Variants in LTK observed in about 807,000 individuals in gnomAD.
LTK encodes the protein leukocyte tyrosine kinase receptor.
LTK carries 117 observed loss-of-function variants against 101.5 expected under a neutral mutation model. That is an observed-to-expected ratio of 1.15 (90% CI 0.99 to 1.34). LTK has a LOEUF of 1.34. Ranked by LOEUF, LTK falls within the 40% of genes most tolerant of loss-of-function variation. The pLI is 0.00. For synonymous variants in LTK, 563 were observed against 494.2 expected, an observed-to-expected ratio of 1.14 and a Z score of -1.85; for missense variants, 1,252 against 1,164.7, an observed-to-expected ratio of 1.07 and a Z score of -1.09.
In LTK at chr15:41,504,543, C is replaced by T; in HGVS notation, c.2218G>A (p.Gly740Ser). The T allele has an allele frequency of 1.9e-6, 3 of 1,613,878 alleles. No individual in the cohort carries two copies. The highest frequency in any genetic ancestry group is 2.5e-6 in the Non-Finnish European group (3 of 1,179,980). Residue 740 changes from glycine to serine, a missense_variant, in exon 18 of 20, where the codon GGC becomes AGC. Gly to Ser is a moderately conservative substitution (Grantham distance 56). Coordinates refer to ENST00000263800, the MANE Select transcript of LTK (RefSeq NM_002344.6). Reference protein sequence around the residue: ...QEVLDFVVGGGRMDPPRGCPG... With the variant: ...QEVLDFVVGGSRMDPPRGCPG... ...CAGCCCCTAGGAGGGTCCATCCGGCCTCCTCCAACGACGAAGTCCAGCACC... is the reference window on the plus strand; with the variant it reads ...CAGCCCCTAGGAGGGTCCATCCGGCTTCCTCCAACGACGAAGTCCAGCACC...
At chr15:41,510,496 TTG>T (rs1416255212) in intron 7 of LTK, among the ~76,000 whole-genome samples, 1 of 57,286 alleles carries the variant, frequency 1.7e-5, no homozygotes, top group East Asian at 4.1e-4. Context: ...AATTTCCCTC[TTG>T]TCGCCCAGGC....
chr15:41,504,965 C>A lies in LTK; in HGVS notation c.2018+7G>T. On this transcript the variant is annotated splice_region_variant and intron_variant, in intron 16 of 19. Transcript: ENST00000263800. Reference sequence around the variant, plus strand: ...GCAAGAGCCTTCCCACCTCCCAAGTCCCGCACCGGTAGATATCTCGTGCCA... The same window carrying A: ...GCAAGAGCCTTCCCACCTCCCAAGTACCGCACCGGTAGATATCTCGTGCCA... 6.2e-7 allele frequency: 1 copy of A among 1,607,136 alleles called. No homozygotes were observed. Among genetic ancestry groups the A allele is most frequent in the Non-Finnish European group, 8.5e-7 (1 of 1,176,096 alleles).
rs754950618 is a variant in LTK, at chr15:41,504,338, A to G, written c.2346+4T>C. ...CAGGATGTTAGATTAGGTCGGGGGC[A>G]CACCTGAGTGCAGTACTGCAGACGC... On this transcript the variant is annotated splice_donor_region_variant and intron_variant, in intron 19 of 19. Transcript: ENST00000263800. 3 of 1,613,894 alleles carry G rather than the reference A, an allele frequency of 1.9e-6. No individual in the cohort carries two copies. Among genetic ancestry groups the G allele is most frequent in the African/African-American group, 2.7e-5 (2 of 74,934 alleles).
chr15:41,505,589 G>A (rs1428069003), intron 13 of LTK, 59 bp from the exon 14 acceptor site: 4 of 1,608,934 alleles, frequency 2.5e-6, no homozygotes, highest in African/African-American at 2.7e-5. Flanking sequence ...CATGTTTTAG[G>A]CTCCACAAAG....
Position 41,507,105 on chromosome 15 carries a change from T to C in LTK, c.1531A>G (p.Thr511Ala), listed in dbSNP as rs1288029519. The change falls in exon 11 of 20, where the codon ACT becomes GCT. Residue 511 changes from threonine to alanine, a missense_variant. Transcript: ENST00000263800. ...AGGCAGAAGACTTACCTGAGCAGAG[T>C]AACATTGGCTGGGGAAACCTCGGTG... ...GVTEVSPANV[T>A]LLRALGHGAF... 1 of 1,612,750 alleles carries C rather than the reference T, an allele frequency of 6.2e-7. No homozygotes were observed. The highest frequency in any genetic ancestry group is 8.5e-7 in the Non-Finnish European group (1 of 1,179,690).
chr15:41,504,097 C>T lies in LTK; in HGVS notation c.2494G>A (p.Gly832Arg). 1 of 1,614,106 alleles carries T rather than the reference C, an allele frequency of 6.2e-7. No homozygotes were observed. The change falls in exon 20 of 20, where the codon GGA becomes AGA. Residue 832 changes from glycine to arginine, a missense_variant. Physicochemically the swap from Gly to Arg is moderately radical, Grantham distance 125. Transcript: ENST00000263800. ...AGCCAGGGGCCAAGAGGGCTACCTC[C>T]CCAGCTTTTCAACTTCTCTGGACTC... ...ELSPEKLKSW[G>R]GSPLGPWLSS...
At chr15:41,505,579 C>G in intron 13 of LTK, 49 bp from the exon 14 acceptor site, 3 of 1,611,606 alleles carry the variant, frequency 1.9e-6, no homozygotes, top group Non-Finnish European at 2.5e-6. Context: ...AGACGGAAAC[C>G]ATGTTTTAGG....
At chr15:41,508,255 G>C in intron 8 of LTK, 34 bp from the exon 9 acceptor site, 6 of 1,585,270 alleles carry the variant, frequency 3.8e-6, no homozygotes, top group Non-Finnish European at 4.3e-6. Context: ...ATATGGTGTG[G>C]TAGGGCTGGG....
chr15:41,510,779 C>T (rs978783749), intron 7 of LTK, among the ~76,000 whole-genome samples: 3 of 152,146 alleles, frequency 2.0e-5, no homozygotes, highest in African/African-American at 7.2e-5. Flanking sequence ...GCATTTCGAA[C>T]AACTTAGGTT....
At position 41,507,231 on chromosome 15, in the gene LTK, G is replaced by A. The variant is rs1167115460; in HGVS notation, c.1405C>T (p.Leu469=). The part of the protein sequence containing the change: ...EMRLPSPELE[L]SKLRTSAIRT... ...ATGGCAGAGGTTCGAAGCTTGCTCA[G>A]CTCAAGCTCAGGGCTCGGCAGCCTC... The change falls in exon 11 of 20, where the codon CTG becomes TTG. Residue 469 remains leucine, a synonymous_variant. Transcript: ENST00000263800. 2 of 1,612,208 alleles carry A rather than the reference G, an allele frequency of 1.2e-6. No individual in the cohort carries two copies. Among genetic ancestry groups the A allele is most frequent in the South Asian group, 1.1e-5 (1 of 90,962 alleles).
rs900372652 is a variant in LTK, at chr15:41,507,736, C to T, written c.1250-79G>A. 2.4e-5 allele frequency: 34 copies of T among 1,440,038 alleles called. No homozygotes were observed. In the African/African-American group the frequency reaches 4.6e-4, roughly 19 times the overall value. The allele number at this position is 1,440,038 out of a possible 1,614,324, so 89.2% of individuals were successfully genotyped here. ...CTCAAGTTTTACCCACGCTTCAAGA[C>T]TCAGCTCAAGTGTTAATTTTTCCAT... On this transcript the variant is annotated intron_variant, in intron 9 of 19. Transcript: ENST00000263800.
In LTK at chr15:41,505,765, G is replaced by A. The variant is rs751839421; in HGVS notation, c.1645C>T (p.Leu549Phe). 4.3e-6 allele frequency: 7 copies of A among 1,613,856 alleles called. No homozygotes were observed. In the Admixed American group the frequency reaches 1.0e-4, roughly 23 times the overall value. Residue 549 changes from leucine to phenylalanine, a missense_variant, in exon 13 of 20, where the codon CTC becomes TTC. Leu to Phe is a conservative substitution (Grantham distance 22). Coordinates refer to ENST00000263800, the MANE Select transcript of LTK (RefSeq NM_002344.6). ...TCCAGCTCATCCTGAGGCGAGCAGA[G>A]TTCTGGCAGGGTCTGGGGAGGAAAA... The part of the protein sequence containing the change: ...LQVAIKTLPE[L>F]CSPQDELDFL...
rs760470398 is a variant in LTK at position 41,504,594 on chromosome 15, G to C, written c.2167C>G (p.Pro723Ala). 2.5e-6 allele frequency: 4 copies of C among 1,613,640 alleles called. No individual in the cohort carries two copies. The highest frequency in any genetic ancestry group is 3.4e-6 in the Non-Finnish European group (4 of 1,180,008). ...TCCTGGTTGGTGCGCCCAGGATAGG[G>C]CATGTAGCCCAGTGAGAAGATCTCC... ...LWEIFSLGYM[P>A]YPGRTNQEVL... is the part of the protein sequence containing the mutation. Residue 723 changes from proline to alanine, a missense_variant, in exon 18 of 20, where the codon CCC (proline) becomes GCC (alanine). Physicochemically the swap from Pro to Ala is conservative, Grantham distance 27. Coordinates refer to ENST00000263800, the MANE Select transcript of LTK (RefSeq NM_002344.6).
chr15:41,512,616 G>T, intron 3 of LTK, 91 bp downstream of exon 3: 6 of 1,400,496 alleles, frequency 4.3e-6, no homozygotes, highest in African/African-American at 1.4e-5. Context: ...AGTCCAAGAC[G>T]CAAGTCGGTG....
In LTK at chr15:41,506,197, A is replaced by G. The variant is rs1268455030; in HGVS notation, c.1542-192T>C. 5.9e-5 allele frequency among the ~76,000 whole-genome samples: 9 copies of G among 152,264 alleles called. No individual in the cohort carries two copies. The East Asian group carries it at 1.7e-3, about 29-fold the overall frequency. On this transcript the variant is annotated intron_variant, in intron 11 of 19. Coordinates refer to ENST00000263800, the MANE Select transcript of LTK (RefSeq NM_002344.6). ...TGCTCACTGGCATAGAGCCAGGGCA[A>G]AAAAGAGGGCAGATGCGGGCCAGAG...
rs939880962 is a variant in LTK at position 41,505,035 on chromosome 15, C to T, written c.1955G>A (p.Ser652Asn). 2 of 1,613,418 alleles carry T rather than the reference C, an allele frequency of 1.2e-6. No individual in the cohort carries two copies. Among genetic ancestry groups the T allele is most frequent in the Non-Finnish European group, 1.7e-6 (2 of 1,179,690 alleles). Reference sequence around the variant, plus strand: ...GGCCACTCGGCTGGGTCCAGCGCAGCTCAGCAGGCAGTTCCGGGCGGCAAT... The same window carrying T: ...GGCCACTCGGCTGGGTCCAGCGCAGTTCAGCAGGCAGTTCCGGGCGGCAAT... The part of the protein sequence containing the change: ...RDIAARNCLL[S>N]CAGPSRVAKI... The change falls in exon 16 of 20, where the codon AGC becomes AAC. Residue 652 changes from serine to asparagine, a missense_variant. By Grantham distance (46) the Ser-to-Asn change is conservative (BLOSUM62 1). Coordinates refer to ENST00000263800, the MANE Select transcript of LTK (RefSeq NM_002344.6).
rs762498945 is a variant in LTK, at chr15:41,504,846, C to A, written c.2047G>T (p.Ala683Ser). The A allele has an allele frequency of 1.9e-6, 3 of 1,613,260 alleles. No individual in the cohort carries two copies. The change falls in exon 17 of 20, where the codon GCC (alanine) becomes TCC (serine). Residue 683 changes from alanine to serine, a missense_variant. By Grantham distance (99) the Ala-to-Ser change is moderately conservative. Coordinates refer to ENST00000263800, the MANE Select transcript of LTK (RefSeq NM_002344.6). ...GGCATCCACTTGACTGGGAGCAAGG[C>A]CCGGTCCCCCCTGCGGTAATAACTG... is the stretch of plus-strand genomic sequence containing the variant. ...RASYYRRGDR[A>S]LLPVKWMPPE... is the part of the protein sequence containing the mutation.
rs573915935 is a variant in LTK at position 41,512,401 on chromosome 15, T to C, written c.360-136A>G. On this transcript the variant is annotated intron_variant, in intron 3 of 19. Coordinates refer to ENST00000263800, the MANE Select transcript of LTK (RefSeq NM_002344.6). ...GAGGCTGCAATCGACTCTGACGGGA[T>C]GGGAAGGGTAGGTTTGCACACCGAA... 89 of 987,202 alleles carry C rather than the reference T, an allele frequency of 9.0e-5. No individual in the cohort carries two copies. In the East Asian group the frequency reaches 2.2e-3, roughly 25 times the overall value. 61.2% of individuals were successfully genotyped at this position (987,202 alleles called of 1,614,324 possible). A position where few individuals can be genotyped will look rare whatever the true frequency, so the allele number is the denominator to read the frequency against.
At chr15:41,508,551 T>G (rs1232262780) in intron 8 of LTK, among the ~76,000 whole-genome samples, 1 of 145,524 alleles carries the variant, frequency 6.9e-6, no homozygotes, top group Non-Finnish European at 1.5e-5. Context: ...AGCGAGACTC[T>G]GTCTCAAAAA....
Sources: gnomAD v4.1 joint callset for allele counts (sites outside exome capture counted in the v4.1 genomes callset) on GRCh38, gnomAD v4.1.1 for gene constraint, MANE v1.5 for transcripts, NCBI Gene and HGNC (gene_info 2026-07-23, HGNC 2026-07-21) for gene names.